Variants in LRRC20 observed in about 807,000 individuals in gnomAD.
LRRC20 encodes leucine-rich repeat-containing protein 20.
A neutral mutation model predicts 14.4 loss-of-function variants in LRRC20; 11 were observed. That is an observed-to-expected ratio of 0.77 (90% confidence interval 0.48 to 1.27). The LOEUF (loss-of-function observed/expected upper bound fraction) is 1.27. Among genes scored for constraint, LRRC20 ranks in the 50% most tolerant of loss-of-function variants. The probability of loss-of-function intolerance (pLI) is 0.00; values close to 1 mark genes in which losing one functional copy is unlikely to be tolerated. For missense variants in LRRC20, 219 were observed against 251.2 expected (o/e 0.87, Z 0.87); for synonymous variants, 121 against 107.3 (o/e 1.13, Z -0.79).
chr10:70,365,294 G>A lies in LRRC20; in HGVS notation c.82+11158C>T, dbSNP rs551950170. Among the ~76,000 whole-genome samples the A allele has an allele frequency of 3.9e-5, 6 of 152,198 alleles. No individual in the cohort carries two copies. The East Asian group carries it at 5.8e-4, about 15-fold the overall frequency. On this transcript the variant is annotated intron_variant, in intron 2 of 4. Coordinates refer to ENST00000446961, the MANE Select transcript of LRRC20 (RefSeq NM_001278212.2). ...AGGCTGGTCTCGGACTCCTGACCTC[G>A]TGATCCACCCACCTCGGCCTCCCAA...
intron 1 of LRRC20, among the ~76,000 whole-genome samples, chr10:70,377,120 C>T (rs1177793304): frequency 6.6e-6 from 1 of 152,196 alleles, no homozygotes; most frequent in Non-Finnish European, 1.5e-5. Flanking sequence ...CAAATCAGAG[C>T]CCTGTGATCC....
At chr10:70,368,777 C>A (rs1448216288) in intron 2 of LRRC20, among the ~76,000 whole-genome samples, 10 of 152,008 alleles carry the variant, frequency 6.6e-5, no homozygotes, top group Admixed American at 6.6e-4. Context: ...TGCATGCCAC[C>A]ACGCCTAGCT....
chr10:70,304,530 CT>C (rs1169463450), intron 4 of LRRC20, among the ~76,000 whole-genome samples: 39 of 133,100 alleles, frequency 2.9e-4, no homozygotes, highest in African/African-American at 1.0e-3. Flanking sequence ...CAATAACAAT[CT>C]TTTTTAAATA....
intron 2 of LRRC20, among the ~76,000 whole-genome samples, chr10:70,344,179 G>C (rs945955784): frequency 6.6e-6 from 1 of 151,962 alleles, no homozygotes; most frequent in Non-Finnish European, 1.5e-5. Flanking sequence ...TCCAGCCTGA[G>C]TGACAGTGAG....
chr10:70,304,257 C>G (rs1405427416), intron 4 of LRRC20, among the ~76,000 whole-genome samples: 1 of 151,982 alleles, frequency 6.6e-6, no homozygotes, highest in African/African-American at 2.4e-5. Flanking sequence ...CGGGGCCAGA[C>G]CTCATCCCAT....
chr10:70,371,966 T>C (rs1007388942), intron 2 of LRRC20, among the ~76,000 whole-genome samples: 15 of 152,192 alleles, frequency 9.9e-5, no homozygotes, highest in Middle Eastern at 3.4e-3. Flanking sequence ...CAGGGTTACT[T>C]GGCTGAGTAA....
chr10:70,352,054 G>A (rs904343646), intron 2 of LRRC20, among the ~76,000 whole-genome samples: 2 of 152,116 alleles, frequency 1.3e-5, no homozygotes, highest in South Asian at 4.1e-4. Flanking sequence ...GGTGAAAGAA[G>A]TTGAATTATG....
chr10:70,344,692 G>A (rs1170627319), intron 2 of LRRC20, among the ~76,000 whole-genome samples: 10 of 151,996 alleles, frequency 6.6e-5, no homozygotes, highest in South Asian at 4.2e-4. Flanking sequence ...TCAGCTTCCC[G>A]GGTAGCTGGG....
intron 3 of LRRC20, among the ~76,000 whole-genome samples, chr10:70,334,597 C>T (rs1842654854): frequency 6.6e-6 from 1 of 152,164 alleles, no homozygotes; most frequent in South Asian, 2.1e-4. Flanking sequence ...ACGTGGACAG[C>T]AGCAGCTTTG....
intron 3 of LRRC20, among the ~76,000 whole-genome samples, chr10:70,325,578 C>T (rs1237683054): frequency 1.3e-5 from 2 of 152,216 alleles, no homozygotes; most frequent in African/African-American, 4.8e-5. Context: ...TCCTGACGAA[C>T]AGGTTTAAAG....
intron 2 of LRRC20, among the ~76,000 whole-genome samples, chr10:70,358,072 T>G (rs1190729507): frequency 1.3e-5 from 2 of 152,204 alleles, no homozygotes; most frequent in Non-Finnish European, 2.9e-5. Flanking sequence ...AGGGTAGAGT[T>G]TGACATCTTC....
intron 3 of LRRC20, among the ~76,000 whole-genome samples, chr10:70,329,366 G>A (rs958583090): frequency 4.6e-5 from 7 of 152,196 alleles, no homozygotes; most frequent in African/African-American, 1.4e-4. Flanking sequence ...TTAAGGATGA[G>A]AGTGGACATC....
chr10:70,367,054 G>C (rs939467688), intron 2 of LRRC20, among the ~76,000 whole-genome samples: 1 of 152,094 alleles, frequency 6.6e-6, no homozygotes, highest in African/African-American at 2.4e-5. Flanking sequence ...ACCAGATGCC[G>C]TGGTTTGTGC....
At chr10:70,361,363 C>G (rs536825540) in intron 2 of LRRC20, among the ~76,000 whole-genome samples, 1 of 152,262 alleles carries the variant, frequency 6.6e-6, no homozygotes, top group East Asian at 1.9e-4. Flanking sequence ...GAGCTTACGC[C>G]CTAGTGTGGC....
At chr10:70,373,442 A>G (rs1195986862) in intron 2 of LRRC20, among the ~76,000 whole-genome samples, 2 of 152,138 alleles carry the variant, frequency 1.3e-5, no homozygotes, top group Admixed American at 1.3e-4. Context: ...GGAGCCCCCA[A>G]GCAACTAGTA....
Position 70,301,398 on chromosome 10 carries a change from C to A in LRRC20, c.511G>T (p.Asp171Tyr). ...GCGCCTTCCGGAGACATGAGCATGT[C>A]AAACTTGATGAGCGGCGGGGCGATC... ...RVIAPPLIKF[D>Y]MLMSPEGARA... The change falls in exon 5 of 5, where the codon GAC (aspartate) becomes TAC (tyrosine). Residue 171 changes from aspartate (D) to tyrosine (Y), a missense_variant. Transcript: ENST00000446961. 6.2e-7 allele frequency: 1 copy of A among 1,613,980 alleles called. No individual in the cohort carries two copies. The highest frequency in any genetic ancestry group is 1.6e-4 in the Middle Eastern group (1 of 6,062).
intron 1 of LRRC20, among the ~76,000 whole-genome samples, chr10:70,377,888 G>A (rs1023867081): frequency 8.5e-5 from 13 of 152,250 alleles, no homozygotes; most frequent in African/African-American, 2.4e-4. Context: ...ATACAGAACA[G>A]TGGGAAAACA....
intron 4 of LRRC20, among the ~76,000 whole-genome samples, chr10:70,304,501 T>TATATATATATATATATATAG: frequency 7.7e-6 from 1 of 129,838 alleles, no homozygotes; most frequent in Non-Finnish European, 1.6e-5. Context: ...TATATATATA[T>TATATATATATATATATATAG]ATATATTTTA....
chr10:70,305,075 T>G (rs553312674), intron 4 of LRRC20, among the ~76,000 whole-genome samples: 1 of 152,054 alleles, frequency 6.6e-6, no homozygotes, highest in African/African-American at 2.4e-5. Context: ...TCCCAGCTAC[T>G]TGGGAGGCTG....
Sources: gnomAD v4.1 joint callset for allele counts (sites outside exome capture counted in the v4.1 genomes callset) on GRCh38, gnomAD v4.1.1 for gene constraint, MANE v1.5 for transcripts, NCBI Gene and HGNC (gene_info 2026-07-23, HGNC 2026-07-21) for gene names.